ACAP3: variants seen among roughly 807,000 people sequenced by gnomAD.
ACAP3 encodes arf-GAP with coiled-coil, ANK repeat and PH domain-containing protein 3.
A neutral mutation model predicts 104.1 loss-of-function variants in ACAP3; 56 were observed. That is an observed-to-expected ratio of 0.54 (90% CI 0.43 to 0.67). ACAP3 has a LOEUF of 0.67. Ranked by LOEUF, ACAP3 falls within the 30% of genes least tolerant of loss-of-function variation. The pLI, the probability that ACAP3 is intolerant of heterozygous loss-of-function variation, is 0.00. For missense variants in ACAP3, 1,208 were observed against 1,174.9 expected (o/e 1.03, Z -0.41); for synonymous variants, 628 against 496.2 (o/e 1.27, Z -3.53).
chr1:1,294,373 C>G (rs1458898422), intron 21 of ACAP3, 29 bp downstream of exon 21: 1 of 1,551,770 alleles, frequency 6.4e-7, no homozygotes, highest in Non-Finnish European at 8.7e-7. Context: ...GCACCTGTGT[C>G]CTGCGCGCAG....
Position 1,303,612 on chromosome 1 carries a change from C to T in ACAP3, c.106-331G>A, listed in dbSNP as rs1165037989. ...CTCCCAGCTCCACGGCCTGTTGCCC[C>T]CTCCTCTTTCTCAGCCCATGTGGGG... On this transcript the variant is annotated intron_variant, in intron 2 of 23. Transcript: ENST00000354700. The surrounding 1 kb of genome is among the most constrained non-coding windows in gnomAD (Gnocchi z 4.0). The T allele has an allele frequency of 2.2e-6, 1 of 461,102 alleles. No homozygotes were observed. 28.6% of individuals were successfully genotyped at this position (461,102 alleles called of 1,614,324 possible). A position where few individuals can be genotyped will look rare whatever the true frequency, so the allele number is the denominator to read the frequency against.
intron 1 of ACAP3, chr1:1,307,419 C>G: frequency 7.7e-7 from 1 of 1,292,820 alleles, no homozygotes; most frequent in Non-Finnish European, 1.0e-6. Context: ...CAGGGGCCGA[C>G]GCCCCCACGG....
intron 1 of ACAP3, chr1:1,304,537 A>T: frequency 3.5e-6 from 1 of 283,128 alleles, no homozygotes. Context: ...ACCTCCCCTC[A>T]CCCCACTGCA....
At position 1,293,345 on chromosome 1, in the gene ACAP3, G is replaced by C; in HGVS notation, c.*219C>G. ...CCAGGTGGGGTGAGGGACACCCGAC[G>C]ATGCAGCACCCCCCCAGGGAAACGT... On this transcript the variant is annotated 3_prime_UTR_variant, in exon 24 of 24. Coordinates refer to ENST00000354700, the MANE Select transcript of ACAP3 (RefSeq NM_030649.3). The C allele has an allele frequency of 2.7e-6, 1 of 370,310 alleles. No homozygotes were observed. Among genetic ancestry groups the C allele is most frequent in the Non-Finnish European group, 4.5e-6 (1 of 222,762 alleles). 22.9% of individuals were successfully genotyped at this position (370,310 alleles called of 1,614,324 possible).
At position 1,300,564 on chromosome 1, in the gene ACAP3, G is replaced by A; in HGVS notation, c.467C>T (p.Ala156Val). 1 of 1,612,138 alleles carries A rather than the reference G, an allele frequency of 6.2e-7. No homozygotes were observed. ...GAAGCACTTCCTGGTGAGGGTGAGG[G>A]CCCCGGTGGCTTCCTCCACCTCGTG... ...RPHEVEEATG[A>V]LTLTRKCFRH... Residue 156 changes from alanine (A) to valine (V), a missense_variant, in exon 6 of 24, where the codon GCC (alanine) becomes GTC (valine). By Grantham distance (64) the Ala-to-Val change is moderately conservative. Coordinates refer to ENST00000354700, the MANE Select transcript of ACAP3 (RefSeq NM_030649.3).
At position 1,299,364 on chromosome 1, in the gene ACAP3, G is replaced by A. The variant is rs1241217967; in HGVS notation, c.739-8C>T. The A allele has an allele frequency of 6.4e-7, 1 of 1,568,386 alleles. No homozygotes were observed. The highest frequency in any genetic ancestry group is 8.7e-7 in the Non-Finnish European group (1 of 1,155,840). ...ACTTACCTGCAGCAGCGTCTGGAGGGCCGGAGCAGGAGGGGGTAGGGGGAG... is the reference window on the plus strand; with the variant it reads ...ACTTACCTGCAGCAGCGTCTGGAGGACCGGAGCAGGAGGGGGTAGGGGGAG... On this transcript the variant is annotated splice_polypyrimidine_tract_variant and splice_region_variant and intron_variant, in intron 9 of 23. Transcript: ENST00000354700.
In ACAP3 at chr1:1,301,969, A is replaced by G. The variant is rs767048887; in HGVS notation, c.338+19T>C. On this transcript the variant is annotated intron_variant, in intron 5 of 23. Transcript: ENST00000354700. Reference sequence around the variant, plus strand: ...AGCGTGGCCTCAGTGTTCTTCCCCCAGCCCTGGGGGCCACTCACTCTTTGA... The same window carrying G: ...AGCGTGGCCTCAGTGTTCTTCCCCCGGCCCTGGGGGCCACTCACTCTTTGA... The G allele has an allele frequency of 2.2e-5, 34 of 1,548,068 alleles. No homozygotes were observed. In the East Asian group the frequency reaches 7.7e-4, roughly 35 times the overall value.
chr1:1,298,241 T>C, intron 12 of ACAP3, 128 bp from the exon 13 acceptor site: 3 of 1,579,598 alleles, frequency 1.9e-6, no homozygotes, highest in Non-Finnish European at 2.6e-6. Flanking sequence ...AGCTCTCTGC[T>C]CCCTGACTGT....
chr1:1,298,205 C>A, intron 12 of ACAP3, 92 bp from the exon 13 acceptor site: 1 of 1,564,248 alleles, frequency 6.4e-7, no homozygotes. Flanking sequence ...CGGAGGCCGA[C>A]TGCCTGAGCC....
chr1:1,302,427 C>T (rs1641484228), intron 4 of ACAP3, among the ~76,000 whole-genome samples: 1 of 152,176 alleles, frequency 6.6e-6, no homozygotes, highest in Non-Finnish European at 1.5e-5. Context: ...GGAGCTGGAG[C>T]CTGGGCTCTG....
Position 1,294,640 on chromosome 1 carries a change from G to C in ACAP3, c.1913-12C>G. On this transcript the variant is annotated splice_polypyrimidine_tract_variant and intron_variant, in intron 20 of 23. Coordinates refer to ENST00000354700, the MANE Select transcript of ACAP3 (RefSeq NM_030649.3). Reference sequence around the variant, plus strand: ...CGACTCTGCACCCTCTGTGGGGAGGGGGCGGTCAGGGAAAGCAACCCCCGG... The same window carrying C: ...CGACTCTGCACCCTCTGTGGGGAGGCGGCGGTCAGGGAAAGCAACCCCCGG... The C allele has an allele frequency of 6.5e-7, 1 of 1,530,018 alleles. No homozygotes were observed. The highest frequency in any genetic ancestry group is 1.2e-5 in the South Asian group (1 of 82,282). 94.8% of individuals were successfully genotyped at this position (1,530,018 alleles called of 1,614,324 possible).
chr1:1,304,899 CAG>C (rs1280212830), intron 1 of ACAP3: 1 of 152,358 alleles, frequency 6.6e-6, no homozygotes, highest in Non-Finnish European at 1.5e-5. Flanking sequence ...AACAGGGAAA[CAG>C]GGCCAGGATC....
Position 1,293,873 on chromosome 1 carries a change from C to T in ACAP3, c.2310G>A (p.Arg770=), listed in dbSNP as rs778114261. 7 of 1,582,756 alleles carry T rather than the reference C, an allele frequency of 4.4e-6. No homozygotes were observed. The African/African-American group carries it at 1.0e-4, about 23-fold the overall frequency. ...ADQHALDQEQ[R]DPLAIAVQAA... is the part of the protein sequence containing the mutation. ...CCTGCACTGCGATGGCCAACGGGTC[C>T]CGCTGCTCTTGGTCCAGGGCGTGCT... The change falls in exon 23 of 24, where the codon CGG becomes CGA. Residue 770 remains arginine, a synonymous_variant. Transcript: ENST00000354700.
At chr1:1,304,357 C>CG (rs1238000738) in intron 1 of ACAP3, 1 of 620,258 alleles carries the variant, frequency 1.6e-6, no homozygotes, top group Admixed American at 2.9e-5. Flanking sequence ...CAGAGGCAGC[C>CG]GCTGCTGTGC....
chr1:1,293,999 C>T (rs773991714), intron 22 of ACAP3, 66 bp from the exon 23 acceptor site: 3 of 1,465,460 alleles, frequency 2.0e-6, no homozygotes, highest in Non-Finnish European at 2.7e-6. Context: ...GTCGCGGGGG[C>T]GTGGCCGGAT....
chr1:1,304,586 G>T, intron 1 of ACAP3: 1 of 195,794 alleles, frequency 5.1e-6, no homozygotes, highest in Non-Finnish European at 1.1e-5. Flanking sequence ...CATGCACTGT[G>T]GGACAGGGTG....
In ACAP3 at chr1:1,294,832, G is replaced by C; in HGVS notation, c.1814-16C>G. The C allele has an allele frequency of 5.2e-6, 8 of 1,549,096 alleles. No individual in the cohort carries two copies. Among genetic ancestry groups the C allele is most frequent in the Non-Finnish European group, 7.0e-6 (8 of 1,146,180 alleles). ...CTACTCAGACCTGCAGGTCCGCAGG[G>C]AAGGGGGTCCTGAGGGTGGGAGGCC... On this transcript the variant is annotated splice_polypyrimidine_tract_variant and intron_variant, in intron 19 of 23. Coordinates refer to ENST00000354700, the MANE Select transcript of ACAP3 (RefSeq NM_030649.3).
At chr1:1,294,371 G>T in intron 21 of ACAP3, 31 bp downstream of exon 21, 1 of 1,550,238 alleles carries the variant, frequency 6.5e-7, no homozygotes. Context: ...GTGCACCTGT[G>T]TCCTGCGCGC....
chr1:1,299,310 G>C (rs1378334967), intron 10 of ACAP3, 35 bp downstream of exon 10: 22 of 1,592,852 alleles, frequency 1.4e-5, no homozygotes, highest in Non-Finnish European at 1.8e-5. Flanking sequence ...GGTCTCCCCC[G>C]ACCCACAGCC....
Sources: gnomAD v4.1 joint callset for allele counts (sites outside exome capture counted in the v4.1 genomes callset) on GRCh38, gnomAD v4.1.1 for gene constraint, Gnocchi (gnomAD v3.1) non-coding constraint, MANE v1.5 for transcripts, NCBI Gene and HGNC (gene_info 2026-07-23, HGNC 2026-07-21) for gene names.